The following ITGB1 variants were observed in gnomAD, a reference collection of about 807,000 sequenced individuals.
The protein encoded by ITGB1 is integrin beta-1.
A neutral mutation model predicts 86.5 loss-of-function variants in ITGB1; 24 were observed. That is an observed-to-expected ratio of 0.28 (90% CI 0.20 to 0.39). The LOEUF (loss-of-function observed/expected upper bound fraction) is 0.39. ITGB1 is among the 10% of genes least tolerant of loss of function. The pLI is 1.00. For synonymous variants in ITGB1, 323 were observed against 316.8 expected (o/e 1.02, Z -0.21); for missense variants, 556 against 946.9 (o/e 0.59, Z 5.42).
intron 15 of ITGB1, among the ~76,000 whole-genome samples, chr10:32,904,098 A>C (rs75529584): frequency 0.066 from 10,040 of 152,138 alleles, 424 homozygotes; most frequent in African/African-American, 0.12. Flanking sequence ...TTTGGAGAAA[A>C]ATCTGTCTTG....
At chr10:32,917,326 G>A (rs1312936521) in intron 11 of ITGB1, among the ~76,000 whole-genome samples, 2 of 152,136 alleles carry the variant, frequency 1.3e-5, no homozygotes, top group South Asian at 2.1e-4. Context: ...GGCAACAAAA[G>A]CCAAAATTGA....
intron 3 of ITGB1, among the ~76,000 whole-genome samples, chr10:32,931,488 T>TCATC (rs1565827799): frequency 6.6e-6 from 1 of 152,132 alleles, no homozygotes. Context: ...GCGGATATTA[T>TCATC]CATCCTCATT....
At chr10:32,944,324 GC>G (rs2095025996) in intron 1 of ITGB1, among the ~76,000 whole-genome samples, 1 of 152,254 alleles carries the variant, frequency 6.6e-6, no homozygotes, top group African/African-American at 2.4e-5. Flanking sequence ...CTGGGCCTGG[GC>G]GGCAGAGAAG....
At chr10:32,913,835 G>C (rs1308919030) in intron 11 of ITGB1, among the ~76,000 whole-genome samples, 1 of 152,140 alleles carries the variant, frequency 6.6e-6, no homozygotes, top group East Asian at 1.9e-4. Context: ...GATACTCCTT[G>C]AGAAGAGCAA....
At chr10:32,914,982 A>T (rs1212990430) in intron 11 of ITGB1, among the ~76,000 whole-genome samples, 4 of 152,260 alleles carry the variant, frequency 2.6e-5, no homozygotes, top group African/African-American at 9.6e-5. Flanking sequence ...ACCACAGTGC[A>T]ATCAAGCTAG....
chr10:32,936,541 A>T (rs569834187), intron 1 of ITGB1, among the ~76,000 whole-genome samples: 5 of 152,276 alleles, frequency 3.3e-5, no homozygotes, highest in South Asian at 2.1e-4. Context: ...AACAAAAAAA[A>T]AGAGGGCATA....
chr10:32,906,964 G>T, intron 15 of ITGB1: 2 of 550,354 alleles, frequency 3.6e-6, no homozygotes, highest in Non-Finnish European at 6.4e-6. Flanking sequence ...TTTAAAGCCA[G>T]ACTTAAAAAA....
intron 1 of ITGB1, among the ~76,000 whole-genome samples, chr10:32,939,755 AGTG>A (rs1565831260): frequency 2.6e-5 from 4 of 151,152 alleles, no homozygotes; most frequent in South Asian, 2.1e-4. Flanking sequence ...TGAGTGAGTG[AGTG>A]AGTGAGTGAG....
At chr10:32,925,288 A>C (rs1406703268) in intron 6 of ITGB1, among the ~76,000 whole-genome samples, 1 of 152,252 alleles carries the variant, frequency 6.6e-6, no homozygotes, top group Non-Finnish European at 1.5e-5. Flanking sequence ...CTTGCTACTG[A>C]AAATCTTACA....
At chr10:32,948,971 G>GAGAAAAAAAAAAAA (rs760315689) in intron 1 of ITGB1, among the ~76,000 whole-genome samples, 2 of 121,384 alleles carry the variant, frequency 1.6e-5, no homozygotes, top group Non-Finnish European at 3.6e-5. Flanking sequence ...GTGGATTACT[G>GAGAAAAAAAAAAAA]AAAAAAAAAA....
chr10:32,913,492 A>C (rs1408234227), intron 11 of ITGB1, among the ~76,000 whole-genome samples: 1 of 152,222 alleles, frequency 6.6e-6, no homozygotes. Flanking sequence ...ATGGAGCGGA[A>C]AACCATGGCA....
intron 15 of ITGB1, among the ~76,000 whole-genome samples, chr10:32,906,059 GAC>G (rs1160142929): frequency 2.0e-5 from 3 of 151,684 alleles, no homozygotes; most frequent in Admixed American, 6.6e-5. Flanking sequence ...TACACACACA[GAC>G]ACACACACAT....
rs377263167 is a variant in ITGB1, at chr10:32,919,904, A to G, written c.1450T>C (p.Phe484Leu). ...GCTTACCTGCACGCGCCACACTCAA[A>G]TGTCCCATTTCCTTCATGACACTTG... ...SPKCHEGNGT[F>L]ECGACRCNEG... The change falls in exon 11 of 16, where the codon TTT becomes CTT. Residue 484 changes from phenylalanine (F) to leucine (L), a missense_variant. Around this residue, in one of 4 missense-constraint regions of ITGB1, gnomAD observed 330 missense variants for 531.5 expected, o/e 0.62. Coordinates refer to ENST00000302278, the MANE Select transcript of ITGB1 (RefSeq NM_002211.4). The G allele has an allele frequency of 8.7e-6, 14 of 1,613,972 alleles. No homozygotes were observed. The highest frequency in any genetic ancestry group is 8.0e-5 in the African/African-American group (6 of 74,920).
chr10:32,907,611 G>A (rs1316792161), intron 15 of ITGB1, among the ~76,000 whole-genome samples: 1 of 151,858 alleles, frequency 6.6e-6, no homozygotes, highest in African/African-American at 2.4e-5. Context: ...GATCCCTTAC[G>A]CCCCTCTGTG....
intron 14 of ITGB1, 60 bp downstream of exon 14, chr10:32,910,163 A>G (rs1466624610): frequency 1.5e-6 from 2 of 1,315,916 alleles, no homozygotes; most frequent in African/African-American, 2.9e-5. Flanking sequence ...TTAGGCCTAA[A>G]TAAGCAGAAA....
At position 32,908,433 on chromosome 10, in the gene ITGB1, T is replaced by C. The variant is rs766068569; in HGVS notation, c.2266A>G (p.Ile756Val). 1 of 1,613,118 alleles carries C rather than the reference T, an allele frequency of 6.2e-7. No individual in the cohort carries two copies. Among genetic ancestry groups the C allele is most frequent in the South Asian group, 1.1e-5 (1 of 91,070 alleles). The change falls in exon 15 of 16, where the codon ATA becomes GTA. Residue 756 changes from isoleucine to valine, a missense_variant. Coordinates refer to ENST00000302278, the MANE Select transcript of ITGB1 (RefSeq NM_002211.4). ...GCAAACTCCCTTCTGTCATGAATTA[T>C]CATTAAAAGCTTCCATATCAGCAGT... ...ALLLIWKLLM[I>V]IHDRREFAKF...
intron 1 of ITGB1, among the ~76,000 whole-genome samples, chr10:32,940,521 T>C (rs61693945): frequency 0.13 from 19,786 of 152,150 alleles, 2,473 homozygotes; most frequent in African/African-American, 0.33. Context: ...TGTTGCACTA[T>C]GACACTACAT....
At chr10:32,926,606 T>C (rs2094965682) in intron 5 of ITGB1, among the ~76,000 whole-genome samples, 1 of 152,216 alleles carries the variant, frequency 6.6e-6, no homozygotes, top group Non-Finnish European at 1.5e-5. Flanking sequence ...CTGCCACGAT[T>C]GGAAGCTTCC....
At chr10:32,906,928 C>T in intron 15 of ITGB1, 1 of 465,830 alleles carries the variant, frequency 2.1e-6, no homozygotes, top group South Asian at 1.7e-5. Flanking sequence ...AGTTAACATA[C>T]AAAAAGAAAA....
Sources: allele counts gnomAD v4.1 joint callset (sites outside exome capture counted in the v4.1 genomes callset), GRCh38; gene constraint gnomAD v4.1.1; regional missense constraint gnomAD v4.1.1; transcripts MANE v1.5; gene names NCBI Gene and HGNC (gene_info 2026-07-23, HGNC 2026-07-21).